The following FGD3 variants were observed in gnomAD, a reference collection of about 807,000 sequenced individuals.
FGD3 encodes FYVE, RhoGEF and PH domain containing 3, also known as FYVE, RhoGEF and PH domain-containing protein 3.
FGD3 carries 45 observed loss-of-function variants against 71.8 expected under a neutral mutation model. That is an observed-to-expected ratio of 0.63 (90% CI 0.49 to 0.80). The LOEUF (loss-of-function observed/expected upper bound fraction) is 0.80, where lower values mean the gene tolerates loss of function less well. Among genes scored for constraint, FGD3 ranks in the 30% least tolerant of loss-of-function variants. The pLI, the probability that FGD3 is intolerant of heterozygous loss-of-function variation, is 0.00. For missense variants in FGD3, 844 were observed against 951.5 expected, an observed-to-expected ratio of 0.89 and a Z score of 1.49; for synonymous variants, 378 against 392.8, an observed-to-expected ratio of 0.96 and a Z score of 0.44.
intron 3 of FGD3, among the ~76,000 whole-genome samples, chr9:92,985,338 A>G (rs1860150175): frequency 6.6e-6 from 1 of 152,144 alleles, no homozygotes; most frequent in Admixed American, 6.5e-5. Context: ...TCCCAGTTAT[A>G]AAAGACTGAG....
chr9:92,978,438 C>T (rs1433627182), intron 3 of FGD3, among the ~76,000 whole-genome samples: 1 of 146,172 alleles, frequency 6.8e-6, no homozygotes, highest in Non-Finnish European at 1.5e-5. Context: ...CCCCATTCCA[C>T]CAGCCATAAC....
chr9:93,020,682 A>T (rs1237219603), intron 13 of FGD3: 1 of 446,470 alleles, frequency 2.2e-6, no homozygotes, highest in Non-Finnish European at 4.1e-6. Flanking sequence ...GAATAGGTCC[A>T]GAGAGCCTCC....
At position 92,976,413 on chromosome 9, in the gene FGD3, G is replaced by A; in HGVS notation, c.157G>A (p.Gly53Arg). Residue 53 changes from glycine to arginine, a missense_variant, in exon 3 of 18, where the codon GGG (glycine) becomes AGG (arginine). Transcript: ENST00000375482. ...CGDPVSLAAAGDGSPDIGPTG... is the reference protein window; with the variant it reads ...CGDPVSLAAARDGSPDIGPTG... ...GGACCCTGTCAGCCTGGCTGCAGCA[G>A]GGGACGGCTCTCCAGACATAGGCCC... 6.2e-7 allele frequency: 1 copy of A among 1,611,644 alleles called. No homozygotes were observed. Among genetic ancestry groups the A allele is most frequent in the Non-Finnish European group, 8.5e-7 (1 of 1,179,350 alleles).
At chr9:92,982,639 T>C (rs935924495) in intron 3 of FGD3, among the ~76,000 whole-genome samples, 1 of 151,702 alleles carries the variant, frequency 6.6e-6, no homozygotes, top group Non-Finnish European at 1.5e-5. Context: ...TCACCGTTCA[T>C]GCAGTTCGCT....
At chr9:93,029,390 C>T (rs1033381196) in intron 14 of FGD3, among the ~76,000 whole-genome samples, 4 of 152,158 alleles carry the variant, frequency 2.6e-5, no homozygotes, top group African/African-American at 9.7e-5. Context: ...CATGTGGGTG[C>T]ACACCTATAT....
chr9:93,013,906 A>G lies in FGD3; in HGVS notation c.1090A>G (p.Ile364Val). ...CGAGCAGCTGGGTGGGGAAGAAGAC[A>G]TTGTCAACCCGGCCAATGAACTGAT... is the stretch of plus-strand genomic sequence containing the variant. ...VYEQLGGEEDIVNPANELIKE... is the reference protein window; with the variant it reads ...VYEQLGGEEDVVNPANELIKE... Residue 364 changes from isoleucine to valine, a missense_variant, in exon 9 of 18, where the codon ATT (isoleucine) becomes GTT (valine). Transcript: ENST00000375482. 6.2e-7 allele frequency: 1 copy of G among 1,612,830 alleles called. No individual in the cohort carries two copies. Among genetic ancestry groups the G allele is most frequent in the Non-Finnish European group, 8.5e-7 (1 of 1,179,542 alleles).
chr9:93,011,378 C>A, intron 8 of FGD3, 106 bp downstream of exon 8: 1 of 1,372,460 alleles, frequency 7.3e-7, no homozygotes, highest in South Asian at 1.2e-5. Flanking sequence ...GGGGGCTCCA[C>A]AAGTGACTCT....
chr9:93,007,879 G>A (rs10761188), intron 6 of FGD3, among the ~76,000 whole-genome samples: 67,172 of 151,956 alleles, frequency 0.44, 15,148 homozygotes, highest in Admixed American at 0.51. Flanking sequence ...TGCAAAACAC[G>A]TTGCAGCAGA....
intron 10 of FGD3, among the ~76,000 whole-genome samples, chr9:93,016,606 G>T (rs1334411412): frequency 6.6e-6 from 1 of 151,526 alleles, no homozygotes; most frequent in Non-Finnish European, 1.5e-5. Flanking sequence ...AAAGTGCTGG[G>T]ATTACAGGCA....
At chr9:92,972,452 C>CA (rs34573109) in intron 1 of FGD3, among the ~76,000 whole-genome samples, 1,493 of 62,188 alleles carry the variant, frequency 0.024, 30 homozygotes, top group African/African-American at 0.054. Context: ...GACTCCATCT[C>CA]AAAAAAAAAA....
chr9:92,958,796 A>G (rs1476630251), intron 1 of FGD3, among the ~76,000 whole-genome samples: 1 of 152,150 alleles, frequency 6.6e-6, no homozygotes, highest in Admixed American at 6.5e-5. Flanking sequence ...TAAATGTTCC[A>G]TTACTATTTG....
At position 93,011,289 on chromosome 9, in the gene FGD3, A is replaced by G; in HGVS notation, c.1035+17A>G. 6.2e-7 allele frequency: 1 copy of G among 1,614,070 alleles called. No homozygotes were observed. The highest frequency in any genetic ancestry group is 8.5e-7 in the Non-Finnish European group (1 of 1,179,954). On this transcript the variant is annotated intron_variant, in intron 8 of 17. Coordinates refer to ENST00000375482, the MANE Select transcript of FGD3 (RefSeq NM_001083536.2). The stretch of plus-strand genomic sequence containing the variant: ...CGGAAAGTGGTGAGTGTGGGGCTCC[A>G]GTGGCGACCGGCAGGGTGGTGCAGC...
At chr9:92,970,687 T>C (rs1437801216) in intron 1 of FGD3, among the ~76,000 whole-genome samples, 2 of 152,242 alleles carry the variant, frequency 1.3e-5, no homozygotes, top group East Asian at 1.9e-4. Context: ...TGCATTCCAG[T>C]GCCTCTCAAT....
At chr9:92,962,939 CAAA>C (rs982916623) in intron 1 of FGD3, among the ~76,000 whole-genome samples, 3 of 106,014 alleles carry the variant, frequency 2.8e-5, no homozygotes, top group Non-Finnish European at 2.0e-5. Flanking sequence ...GGCTCCGTCT[CAAA>C]AAAAAAAAAA....
chr9:92,952,690 C>T (rs1370907953), intron 1 of FGD3, among the ~76,000 whole-genome samples: 1 of 151,766 alleles, frequency 6.6e-6, no homozygotes, highest in Non-Finnish European at 1.5e-5. Flanking sequence ...TCCTCACTCC[C>T]TCCCTTCTTT....
At chr9:93,030,672 C>T (rs1267510272) in intron 15 of FGD3, among the ~76,000 whole-genome samples, 1 of 125,474 alleles carries the variant, frequency 8.0e-6, no homozygotes, top group Non-Finnish European at 1.6e-5. Flanking sequence ...GTGCCTGAAG[C>T]GGTTGATGTT....
chr9:92,951,518 A>G (rs757091022), intron 1 of FGD3, among the ~76,000 whole-genome samples: 1 of 152,204 alleles, frequency 6.6e-6, no homozygotes, highest in Admixed American at 6.5e-5. Context: ...TCTGCAAAAA[A>G]TACACAAATA....
intron 3 of FGD3, among the ~76,000 whole-genome samples, chr9:92,997,882 C>G (rs1860708827): frequency 6.6e-6 from 1 of 152,216 alleles, no homozygotes; most frequent in South Asian, 2.1e-4. Flanking sequence ...CCCAACCTTT[C>G]TCTCTGGCTG....
rs529148277 is a variant in FGD3, at chr9:92,965,025, C to T, written c.-217-10213C>T. Among the ~76,000 whole-genome samples the T allele has an allele frequency of 1.1e-4, 17 of 152,336 alleles. No individual in the cohort carries two copies. The Middle Eastern group carries it at 0.017, about 152-fold the overall frequency. ...GCCCACCAAAGCCTCCTCAGCACCC[C>T]GTGCTGTGCCTGGCAGTGTGGGACA... On this transcript the variant is annotated intron_variant, in intron 1 of 17. Coordinates refer to ENST00000375482, the MANE Select transcript of FGD3 (RefSeq NM_001083536.2).
Sources: gnomAD v4.1 joint callset for allele counts (sites outside exome capture counted in the v4.1 genomes callset) on GRCh38, gnomAD v4.1.1 for gene constraint, MANE v1.5 for transcripts, NCBI Gene and HGNC (gene_info 2026-07-23, HGNC 2026-07-21) for gene names.